Variants in ESYT1 observed in about 807,000 individuals in gnomAD.
The protein encoded by ESYT1 is extended synaptotagmin-1.
ESYT1 carries 116 observed loss-of-function variants against 154.2 expected under a neutral mutation model. The ratio of observed to expected loss-of-function variants is 0.75; its 90% CI spans 0.65 to 0.88. ESYT1 has a LOEUF of 0.88. ESYT1 is among the 40% of genes least tolerant of loss of function. The pLI, the probability that ESYT1 is intolerant of heterozygous loss-of-function variation, is 0.00. For synonymous variants in ESYT1, 500 were observed against 539.9 expected, an observed-to-expected ratio of 0.93 and a Z score of 1.02; for missense variants, 1,264 against 1,379.3, an observed-to-expected ratio of 0.92 and a Z score of 1.32.
intron 15 of ESYT1, among the ~76,000 whole-genome samples, chr12:56,135,415 G>A (rs1249831935): frequency 4.0e-5 from 6 of 151,122 alleles, no homozygotes; most frequent in African/African-American, 1.5e-4. Flanking sequence ...CAGGTGATCC[G>A]CCCGTCTCAG....
Position 56,142,338 on chromosome 12 carries a change from G to A in ESYT1, c.2646G>A (p.Glu882=). ...GCTCATTATCCCTGCCCCTCTCAGA[G>A]CTCCTCGTGGCTGACCAGCTCTGCT... ...VLGSLSLPLS[E]LLVADQLCLD... is the part of the protein sequence containing the mutation. Residue 882 remains glutamate (E), a synonymous_variant, in exon 25 of 31, where the codon GAG becomes GAA. Transcript: ENST00000394048. The surrounding 1 kb of genome is among the most constrained non-coding windows in gnomAD (Gnocchi z 4.1). The A allele has an allele frequency of 1.2e-6, 2 of 1,614,176 alleles. No homozygotes were observed. The highest frequency in any genetic ancestry group is 1.7e-6 in the Non-Finnish European group (2 of 1,180,040).
chr12:56,138,687 T>G, intron 22 of ESYT1, 81 bp from the exon 23 acceptor site: 1 of 1,424,758 alleles, frequency 7.0e-7, no homozygotes, highest in Non-Finnish European at 9.9e-7. Context: ...GAGACATGGC[T>G]GCTGGCTGTG....
At chr12:56,143,770 T>A (rs1286467338) in intron 30 of ESYT1, 53 bp from the exon 31 acceptor site, 2 of 1,613,246 alleles carry the variant, frequency 1.2e-6, no homozygotes, top group African/African-American at 1.3e-5. Flanking sequence ...GTGTCTCATT[T>A]ATAAATATGA....
rs916134611 is a variant in ESYT1, at chr12:56,135,461, C to T, written c.1632+1033C>T. Among the ~76,000 whole-genome samples, 68 of 151,440 alleles carry T rather than the reference C, an allele frequency of 4.5e-4. 1 individual carries two copies. The highest frequency in any genetic ancestry group is 7.4e-5 in the Non-Finnish European group (5 of 67,862). Reference sequence around the variant, plus strand: ...TGCTTGGATTACAGGCGTGAGCCACCGTGCCCGGCCCAACATTCAGCATTT... The same window carrying T: ...TGCTTGGATTACAGGCGTGAGCCACTGTGCCCGGCCCAACATTCAGCATTT... On this transcript the variant is annotated intron_variant, in intron 15 of 30. Transcript: ENST00000394048.
At chr12:56,141,546 C>T (rs1870690189) in intron 24 of ESYT1, among the ~76,000 whole-genome samples, 1 of 152,102 alleles carries the variant, frequency 6.6e-6, no homozygotes, top group Admixed American at 6.5e-5. Flanking sequence ...CGAGACCATC[C>T]TGGCTAACAC....
chr12:56,134,649 G>A (rs1294740567), intron 15 of ESYT1, among the ~76,000 whole-genome samples: 4 of 151,496 alleles, frequency 2.6e-5, no homozygotes, highest in Middle Eastern at 3.2e-3. Context: ...CCCAGGCTGG[G>A]GTGCAGTGGT....
At position 56,137,576 on chromosome 12, in the gene ESYT1, C is replaced by G; in HGVS notation, c.2016C>G (p.Gly672=). The G allele has an allele frequency of 6.2e-7, 1 of 1,614,152 alleles. No individual in the cohort carries two copies. The highest frequency in any genetic ancestry group is 8.5e-7 in the Non-Finnish European group (1 of 1,180,010). ...KDRFLGGLVK[G]KSDPYVKLKL... ...GTTTCTTGGGGGGACTGGTGAAGGGCAAGTCAGACCCCTATGTCAAACTAA... is the reference window on the plus strand; with the variant it reads ...GTTTCTTGGGGGGACTGGTGAAGGGGAAGTCAGACCCCTATGTCAAACTAA... The change falls in exon 18 of 31, where the codon GGC becomes GGG. Residue 672 remains glycine (G), a synonymous_variant. Transcript: ENST00000394048.
Position 56,142,348 on chromosome 12 carries a change from G to T in ESYT1, c.2656G>T (p.Ala886Ser). 1 of 1,614,138 alleles carries T rather than the reference G, an allele frequency of 6.2e-7. No individual in the cohort carries two copies. The highest frequency in any genetic ancestry group is 8.5e-7 in the Non-Finnish European group (1 of 1,180,040). The part of the protein sequence containing the change: ...LSLPLSELLV[A>S]DQLCLDRWFT... ...CCTGCCCCTCTCAGAGCTCCTCGTG[G>T]CTGACCAGCTCTGCTTGGACCGCTG... The change falls in exon 25 of 31, where the codon GCT becomes TCT. Residue 886 changes from alanine (A) to serine (S), a missense_variant. Ala to Ser is a moderately conservative substitution (Grantham distance 99). Coordinates refer to ENST00000394048, the MANE Select transcript of ESYT1 (RefSeq NM_015292.3). The surrounding 1 kb of genome is among the most constrained non-coding windows in gnomAD (Gnocchi z 4.1).
Position 56,142,294 on chromosome 12 carries a change from G to C in ESYT1, c.2602G>C (p.Glu868Gln). 1 of 1,614,072 alleles carries C rather than the reference G, an allele frequency of 6.2e-7. No homozygotes were observed. Among genetic ancestry groups the C allele is most frequent in the Non-Finnish European group, 8.5e-7 (1 of 1,179,984 alleles). ...TESLELQVRG[E>Q]GTGVLGSLSL... ...TCCTGTTGCCCCACAGGTTCGGGGT[G>C]AGGGCACTGGCGTGCTGGGCTCATT... The change falls in exon 25 of 31, where the codon GAG (glutamate) becomes CAG (glutamine). Residue 868 changes from glutamate (E) to glutamine (Q), a missense_variant. Physicochemically the swap from Glu to Gln is conservative, Grantham distance 29. Transcript: ENST00000394048. The surrounding 1 kb of genome is among the most constrained non-coding windows in gnomAD (Gnocchi z 4.1).
chr12:56,138,970 C>T lies in ESYT1; in HGVS notation c.2549C>T (p.Ser850Phe), dbSNP rs763550926. The change falls in exon 24 of 31, where the codon TCC becomes TTC. Residue 850 changes from serine to phenylalanine, a missense_variant. By Grantham distance (155) the Ser-to-Phe change is radical. Coordinates refer to ENST00000394048, the MANE Select transcript of ESYT1 (RefSeq NM_015292.3). The part of the protein sequence containing the change: ...TSAPVWDESA[S>F]FLIRKPHTES... ...GCCCCTGTCTGGGATGAGAGTGCCTCCTTTCTCATCAGGAAACCACACACT... is the reference window on the plus strand; with the variant it reads ...GCCCCTGTCTGGGATGAGAGTGCCTTCTTTCTCATCAGGAAACCACACACT... 6.2e-7 allele frequency: 1 copy of T among 1,614,156 alleles called. No homozygotes were observed. The highest frequency in any genetic ancestry group is 8.5e-7 in the Non-Finnish European group (1 of 1,180,012).
chr12:56,133,741 G>C (rs755578887), intron 12 of ESYT1, 40 bp from the exon 13 acceptor site: 1 of 1,613,244 alleles, frequency 6.2e-7, no homozygotes, highest in Non-Finnish European at 8.5e-7. Flanking sequence ...AGGGGACTTG[G>C]AACGGGGACC....
chr12:56,144,490 C>G lies in ESYT1; in HGVS notation c.*628C>G. ...CTCAAGCCTCCAAGTAGTGGCATAT[C>G]AGTCTTGGAGCTCCTAGCTGGTGAT... On this transcript the variant is annotated 3_prime_UTR_variant, in exon 31 of 31. Transcript: ENST00000394048. 1 of 986,236 alleles carries G rather than the reference C, an allele frequency of 1.0e-6. No homozygotes were observed. Among genetic ancestry groups the G allele is most frequent in the Middle Eastern group, 5.2e-4 (1 of 1,914 alleles). 61.1% of individuals were successfully genotyped at this position (986,236 alleles called of 1,614,324 possible). A position where few individuals can be genotyped will look rare whatever the true frequency, so the allele number is the denominator to read the frequency against.
At chr12:56,135,722 T>C (rs951787044) in intron 15 of ESYT1, among the ~76,000 whole-genome samples, 1 of 151,024 alleles carries the variant, frequency 6.6e-6, no homozygotes, top group Non-Finnish European at 1.5e-5. Context: ...TGAAACCCTA[T>C]CTCTACTAAA....
At chr12:56,133,333 G>T in intron 10 of ESYT1, 84 bp from the exon 11 acceptor site, 1 of 1,470,350 alleles carries the variant, frequency 6.8e-7, no homozygotes, top group African/African-American at 1.4e-5. Context: ...TTCTGGGTGG[G>T]TGAGTGGAGG....
chr12:56,135,325 T>G (rs1414857043), intron 15 of ESYT1, among the ~76,000 whole-genome samples: 1 of 150,820 alleles, frequency 6.6e-6, no homozygotes, highest in African/African-American at 2.4e-5. Flanking sequence ...TGTGCCACCA[T>G]GCCTGGCTAA....
At chr12:56,133,355 G>C in intron 10 of ESYT1, 62 bp from the exon 11 acceptor site, 1 of 1,595,064 alleles carries the variant, frequency 6.3e-7, no homozygotes, top group Non-Finnish European at 8.6e-7. Context: ...CCACTGACAT[G>C]CTGCTAATTA....
In ESYT1 at chr12:56,142,562, G is replaced by C. The variant is rs748659344; in HGVS notation, c.2734-16G>C. ...CTGAGAGAACTCTGCCCAGCTCACA[G>C]CTTTCTTGCCCCTAGATCCTGGTGT... is the stretch of plus-strand genomic sequence containing the variant. On this transcript the variant is annotated splice_polypyrimidine_tract_variant and intron_variant, in intron 25 of 30. Transcript: ENST00000394048. The surrounding 1 kb of genome is among the most constrained non-coding windows in gnomAD (Gnocchi z 4.1). 1.2e-6 allele frequency: 2 copies of C among 1,614,160 alleles called. No individual in the cohort carries two copies. Among genetic ancestry groups the C allele is most frequent in the South Asian group, 1.1e-5 (1 of 91,076 alleles).
At chr12:56,136,678 C>G in intron 15 of ESYT1, 66 bp from the exon 16 acceptor site, 1 of 1,422,170 alleles carries the variant, frequency 7.0e-7, no homozygotes, top group African/African-American at 1.4e-5. Flanking sequence ...GCCATGTTAT[C>G]ATTTTCACAG....
In ESYT1 at chr12:56,137,512, T is replaced by C; in HGVS notation, c.1952T>C (p.Ile651Thr). The stretch of plus-strand genomic sequence containing the variant: ...TCCCTTTTGCAGCATGTGCTTCGGA[T>C]CCATGTATTAGAGGCCCAGGACCTG... ...SQFGTEHVLR[I>T]HVLEAQDLIA... Residue 651 changes from isoleucine (I) to threonine (T), a missense_variant, in exon 18 of 31, where the codon ATC becomes ACC. Coordinates refer to ENST00000394048, the MANE Select transcript of ESYT1 (RefSeq NM_015292.3). 1 of 1,613,068 alleles carries C rather than the reference T, an allele frequency of 6.2e-7. No homozygotes were observed. The highest frequency in any genetic ancestry group is 8.5e-7 in the Non-Finnish European group (1 of 1,179,262).
Sources: gnomAD v4.1 joint callset for allele counts (sites outside exome capture counted in the v4.1 genomes callset) on GRCh38, gnomAD v4.1.1 for gene constraint, Gnocchi (gnomAD v3.1) non-coding constraint, MANE v1.5 for transcripts, NCBI Gene and HGNC (gene_info 2026-07-23, HGNC 2026-07-21) for gene names.